The following SAMMSON variants were observed in gnomAD, a reference collection of about 807,000 sequenced individuals.
The protein encoded by SAMMSON is long intergenic non-protein coding RNA 1212.
chr3:70,091,813 A>G (rs1449040526), intron 4 of SAMMSON, among the ~76,000 whole-genome samples: 1 of 152,178 alleles, frequency 6.6e-6, no homozygotes, highest in East Asian at 1.9e-4. Flanking sequence ...GTCAAGAGGT[A>G]TGCACTCAAA....
chr3:70,280,857 G>T (rs62256517), intron 6 of SAMMSON, among the ~76,000 whole-genome samples: 8,531 of 147,368 alleles, frequency 0.058, 350 homozygotes, highest in Non-Finnish European at 0.087. Context: ...CAGAAGGAAG[G>T]GACGCTGCAC....
intron 3 of SAMMSON, among the ~76,000 whole-genome samples, chr3:70,055,859 T>C (rs1576110384): frequency 6.6e-6 from 1 of 152,072 alleles, no homozygotes; most frequent in African/African-American, 2.4e-5. Context: ...AGGACAATTG[T>C]AGTGTGCCAT....
intron 2 of SAMMSON, among the ~76,000 whole-genome samples, chr3:70,433,082 C>G (rs370241500): frequency 1.3e-5 from 2 of 152,052 alleles, no homozygotes; most frequent in East Asian, 1.9e-4. Context: ...TGAAGGATAT[C>G]TTAGCTACTT....
At chr3:70,089,663 T>C (rs1259484322) in intron 4 of SAMMSON, among the ~76,000 whole-genome samples, 2 of 152,062 alleles carry the variant, frequency 1.3e-5, no homozygotes, top group African/African-American at 2.4e-5. Context: ...ACCTACCTCT[T>C]TGGGTTATTT....
At chr3:70,425,400 A>ATTATTTATTTATTTATTTAT (rs140781474) in intron 2 of SAMMSON, among the ~76,000 whole-genome samples, 56 of 150,684 alleles carry the variant, frequency 3.7e-4, no homozygotes, top group African/African-American at 1.3e-3. Context: ...CTATTTTTTT[A>ATTATTTATTTATTTATTTAT]TTATTTATTT....
intron 2 of SAMMSON, among the ~76,000 whole-genome samples, chr3:70,408,286 T>C (rs1268266195): frequency 6.6e-6 from 1 of 152,238 alleles, no homozygotes; most frequent in East Asian, 1.9e-4. Flanking sequence ...CCTCGTTGCT[T>C]ATGCAAATAT....
At chr3:70,246,128 G>A (rs1373515314) in intron 4 of SAMMSON, among the ~76,000 whole-genome samples, 1 of 151,872 alleles carries the variant, frequency 6.6e-6, no homozygotes, top group Non-Finnish European at 1.5e-5. Context: ...ATATGCAGAT[G>A]CTTCTGGGAT....
At chr3:70,224,466 C>T (rs927338983) in intron 4 of SAMMSON, among the ~76,000 whole-genome samples, 1 of 152,162 alleles carries the variant, frequency 6.6e-6, no homozygotes, top group African/African-American at 2.4e-5. Context: ...TAAAGAAAAG[C>T]GCTTCATTCT....
intron 3 of SAMMSON, among the ~76,000 whole-genome samples, chr3:70,016,730 T>C (rs565358175): frequency 6.6e-6 from 1 of 152,210 alleles, no homozygotes; most frequent in South Asian, 2.1e-4. Flanking sequence ...GTCTAACATG[T>C]AAGTCTTTAA....
At chr3:70,044,967 T>C (rs1282298238) in intron 3 of SAMMSON, among the ~76,000 whole-genome samples, 1 of 137,742 alleles carries the variant, frequency 7.3e-6, no homozygotes, top group African/African-American at 2.7e-5. Context: ...TATATTAGAG[T>C]ATTACATAAA....
Position 70,170,946 on chromosome 3 carries a change from G to A in SAMMSON, n.508-78161G>A, listed in dbSNP as rs984198778. ...CAAAATTCAATTTCATGGAGATTCT[G>A]CCTGTGTAATAACTGCGTGATTAGA... On this transcript the variant is annotated intron_variant and non_coding_transcript_variant, in intron 4 of 9. Coordinates refer to ENST00000642114, the Ensembl canonical transcript of SAMMSON. Among the ~76,000 whole-genome samples, 3 of 151,910 alleles carry A rather than the reference G, an allele frequency of 2.0e-5. No individual in the cohort carries two copies. The East Asian group carries it at 5.8e-4, about 29-fold the overall frequency.
intron 4 of SAMMSON, among the ~76,000 whole-genome samples, chr3:70,133,497 A>G (rs184457138): frequency 4.1e-4 from 63 of 152,278 alleles, no homozygotes; most frequent in African/African-American, 1.4e-3. Context: ...TCTGGAATTC[A>G]ATGAGCTATT....
In SAMMSON at chr3:70,350,765, G is replaced by A. The variant is rs549958367; in HGVS notation, n.740-3410G>A. Among the ~76,000 whole-genome samples, 13 of 152,202 alleles carry A rather than the reference G, an allele frequency of 8.5e-5. No individual in the cohort carries two copies. In the South Asian group the frequency reaches 2.1e-3, roughly 24 times the overall value. On this transcript the variant is annotated intron_variant and non_coding_transcript_variant, in intron 7 of 9. Transcript: ENST00000642114. Reference sequence around the variant, plus strand: ...TTCAAATATTAAGACATGCTATGAAGAAAATAATTTAGGATAATGGAATCA... The same window carrying A: ...TTCAAATATTAAGACATGCTATGAAAAAAATAATTTAGGATAATGGAATCA...
At chr3:70,279,576 C>G (rs2106679963) in intron 6 of SAMMSON, among the ~76,000 whole-genome samples, 1 of 152,274 alleles carries the variant, frequency 6.6e-6, no homozygotes, top group African/African-American at 2.4e-5. Context: ...TCTTGATGAG[C>G]TCCCAGTCCA....
intron 4 of SAMMSON, among the ~76,000 whole-genome samples, chr3:70,190,011 A>G (rs1361410325): frequency 6.6e-6 from 1 of 152,186 alleles, no homozygotes; most frequent in African/African-American, 2.4e-5. Flanking sequence ...TTGGAATTAC[A>G]TCAGTGTGCA....
intron 6 of SAMMSON, among the ~76,000 whole-genome samples, chr3:70,266,307 A>G (rs575610094): frequency 3.9e-5 from 6 of 152,296 alleles, no homozygotes; most frequent in African/African-American, 1.2e-4. Flanking sequence ...TAATTCATAT[A>G]GCTCAACACT....
intron 9 of SAMMSON, among the ~76,000 whole-genome samples, chr3:70,367,025 A>G (rs980986242): frequency 1.3e-5 from 2 of 151,588 alleles, no homozygotes; most frequent in African/African-American, 4.8e-5. Flanking sequence ...TTGAGTTCCA[A>G]AAAAATTGTA....
chr3:70,356,989 T>C (rs952222598), intron 8 of SAMMSON, among the ~76,000 whole-genome samples: 1 of 152,122 alleles, frequency 6.6e-6, no homozygotes, highest in Admixed American at 6.6e-5. Flanking sequence ...ATGCATACAG[T>C]AAGTCACCTA....
At chr3:70,216,841 A>T (rs1701416527) in intron 4 of SAMMSON, among the ~76,000 whole-genome samples, 1 of 152,122 alleles carries the variant, frequency 6.6e-6, no homozygotes, top group Non-Finnish European at 1.5e-5. Flanking sequence ...TATTGTTATG[A>T]CTGGGCTAGA....
Sources: allele counts gnomAD v4.1 joint callset (sites outside exome capture counted in the v4.1 genomes callset), GRCh38; gene constraint gnomAD v4.1.1; transcripts MANE v1.5; gene names NCBI Gene and HGNC (gene_info 2026-07-23, HGNC 2026-07-21).